Variants in ITSN1 observed in about 807,000 individuals in gnomAD.
ITSN1 encodes intersectin 1.
In ITSN1, 58 loss-of-function variants were observed where a neutral mutation model predicts 239.8. That is an observed-to-expected ratio of 0.24 (90% CI 0.20 to 0.30). The LOEUF is 0.30. Ranked by LOEUF, ITSN1 falls within the 10% of genes least tolerant of loss-of-function variation. The probability of loss-of-function intolerance (pLI) is 1.00; values close to 1 mark genes in which losing one functional copy is unlikely to be tolerated. For missense variants in ITSN1, 1,558 were observed against 2,103.3 expected (o/e 0.74, Z 5.07); for synonymous variants, 780 against 770.8 (o/e 1.01, Z -0.20).
intron 29 of ITSN1, among the ~76,000 whole-genome samples, chr21:33,845,671 G>A (rs2074969168): frequency 6.6e-6 from 1 of 152,162 alleles, no homozygotes; most frequent in Non-Finnish European, 1.5e-5. Flanking sequence ...TTCTGTGCTT[G>A]CAGAGGGGAA....
chr21:33,714,425 T>G (rs2092509425), intron 1 of ITSN1, among the ~76,000 whole-genome samples: 2 of 152,170 alleles, frequency 1.3e-5, no homozygotes, highest in African/African-American at 4.8e-5. Flanking sequence ...TGAAGGCTTT[T>G]GGAGGGTAGA....
intron 1 of ITSN1, among the ~76,000 whole-genome samples, chr21:33,649,469 T>C (rs901044346): frequency 6.6e-6 from 1 of 152,240 alleles, no homozygotes; most frequent in Non-Finnish European, 1.5e-5. Context: ...GAATTAATGA[T>C]AGGTAGCTTG....
chr21:33,858,574 C>A, intron 30 of ITSN1, 112 bp from the exon 31 acceptor site: 1 of 633,806 alleles, frequency 1.6e-6, no homozygotes, highest in Non-Finnish European at 2.8e-6. Flanking sequence ...CTGGGCCTCT[C>A]AGCCAAGGTA....
intron 22 of ITSN1, among the ~76,000 whole-genome samples, chr21:33,816,762 G>A (rs1043880767): frequency 2.0e-5 from 3 of 152,156 alleles, no homozygotes; most frequent in Non-Finnish European, 2.9e-5. Context: ...GGAGCTACGC[G>A]GGCAGCAGGT....
intron 27 of ITSN1, 46 bp downstream of exon 27, chr21:33,829,791 A>C (rs748918181): frequency 8.7e-6 from 14 of 1,607,482 alleles, no homozygotes; most frequent in Non-Finnish European, 1.1e-5. Flanking sequence ...CCAAGTTTCA[A>C]TACACAAAAT....
intron 22 of ITSN1, 188 bp from the exon 23 acceptor site, chr21:33,818,079 T>G: frequency 1.7e-6 from 1 of 603,452 alleles, no homozygotes; most frequent in East Asian, 2.8e-5. Flanking sequence ...TGGCCTCCAC[T>G]TTTGGAAATA....
At chr21:33,809,786 G>T (rs1381739047) in intron 20 of ITSN1, among the ~76,000 whole-genome samples, 1 of 152,010 alleles carries the variant, frequency 6.6e-6, no homozygotes, top group Non-Finnish European at 1.5e-5. Context: ...AAGAATTATA[G>T]TAATGAAAAT....
chr21:33,694,929 A>G (rs2091728835), intron 1 of ITSN1, among the ~76,000 whole-genome samples: 5 of 152,164 alleles, frequency 3.3e-5, no homozygotes. Flanking sequence ...ATCCTGCCTG[A>G]GCAGTTCCTA....
intron 1 of ITSN1, among the ~76,000 whole-genome samples, chr21:33,700,950 TCTGTG>T (rs2091978637): frequency 2.5e-5 from 3 of 119,126 alleles, no homozygotes; most frequent in African/African-American, 9.8e-5. Context: ...ATTTCTTTTT[TCTGTG>T]TGTGTGTGTG....
At chr21:33,775,496 ATGT>A (rs1172242422) in intron 14 of ITSN1, among the ~76,000 whole-genome samples, 1 of 152,206 alleles carries the variant, frequency 6.6e-6, no homozygotes, top group African/African-American at 2.4e-5. Context: ...GGGATAGGAA[ATGT>A]TGTGATTTTA....
chr21:33,795,655 C>G (rs1175257367), intron 17 of ITSN1, among the ~76,000 whole-genome samples: 2 of 152,054 alleles, frequency 1.3e-5, no homozygotes, highest in Non-Finnish European at 2.9e-5. Flanking sequence ...GGGGGTCAGA[C>G]TAAGGATCTC....
intron 36 of ITSN1, among the ~76,000 whole-genome samples, chr21:33,883,894 G>GA (rs1985350042): frequency 9.1e-6 from 1 of 109,778 alleles, no homozygotes; most frequent in African/African-American, 3.6e-5. Context: ...TTTTGCTTGA[G>GA]TTTTTTTTTT....
intron 1 of ITSN1, among the ~76,000 whole-genome samples, chr21:33,712,960 C>G (rs1221398210): frequency 6.6e-6 from 1 of 152,066 alleles, no homozygotes; most frequent in Admixed American, 6.6e-5. Context: ...TCACTGTAAC[C>G]TCTGCCTCCT....
chr21:33,774,633 C>T, intron 12 of ITSN1, 96 bp from the exon 13 acceptor site: 2 of 1,165,000 alleles, frequency 1.7e-6, no homozygotes, highest in Non-Finnish European at 2.4e-6. Context: ...TATTTCATCC[C>T]TAAAAGGAAA....
At chr21:33,660,698 G>GA (rs1182917461) in intron 1 of ITSN1, among the ~76,000 whole-genome samples, 2 of 152,196 alleles carry the variant, frequency 1.3e-5, no homozygotes, top group Non-Finnish European at 2.9e-5. Context: ...GGCATTTCCA[G>GA]AAAATTGTGG....
At chr21:33,708,058 A>G (rs1179139628) in intron 1 of ITSN1, among the ~76,000 whole-genome samples, 1 of 152,218 alleles carries the variant, frequency 6.6e-6, no homozygotes, top group Non-Finnish European at 1.5e-5. Flanking sequence ...ATTCTTTCTC[A>G]TATTAGCCAT....
chr21:33,828,631 T>A (rs758725180), intron 26 of ITSN1, among the ~76,000 whole-genome samples: 7 of 152,242 alleles, frequency 4.6e-5, no homozygotes, highest in Non-Finnish European at 8.8e-5. Flanking sequence ...TCCCTCTTTC[T>A]TCTTTTTTTT....
chr21:33,655,583 ATTTTT>A (rs756792867), intron 1 of ITSN1, among the ~76,000 whole-genome samples: 18 of 126,092 alleles, frequency 1.4e-4, no homozygotes, highest in African/African-American at 3.6e-4. Context: ...TGCCTGGCTA[ATTTTT>A]TTTTTTTTTT....
intron 34 of ITSN1, among the ~76,000 whole-genome samples, chr21:33,881,945 C>CA (rs370697945): frequency 0.36 from 31,643 of 87,996 alleles, 4,293 homozygotes; most frequent in East Asian, 0.49. Context: ...GACCCTGTCT[C>CA]AAAAAAAAAA....
Sources: allele counts gnomAD v4.1 joint callset (sites outside exome capture counted in the v4.1 genomes callset), GRCh38; gene constraint gnomAD v4.1.1; transcripts MANE v1.5; gene names NCBI Gene and HGNC (gene_info 2026-07-23, HGNC 2026-07-21).